Variants in KCNQ5 observed in about 807,000 individuals in gnomAD.
KCNQ5 encodes potassium voltage-gated channel subfamily KQT member 5.
In KCNQ5, 30 loss-of-function variants were observed where a neutral mutation model predicts 98.2. The ratio of observed to expected loss-of-function variants is 0.31; its 90% confidence interval spans 0.23 to 0.41. The LOEUF is 0.41. KCNQ5 is among the 10% of genes least tolerant of loss of function. The pLI is 1.00. For synonymous variants in KCNQ5, 458 were observed against 449.4 expected, an observed-to-expected ratio of 1.02 and a Z score of -0.24; for missense variants, 835 against 1,182.5, an observed-to-expected ratio of 0.71 and a Z score of 4.31.
chr6:72,857,633 T>G (rs755657288), intron 1 of KCNQ5, among the ~76,000 whole-genome samples: 2 of 152,154 alleles, frequency 1.3e-5, no homozygotes, highest in Non-Finnish European at 2.9e-5. Context: ...ATAATTTGTG[T>G]TTTTTGCATA....
intron 1 of KCNQ5, among the ~76,000 whole-genome samples, chr6:72,840,888 C>T (rs1776758966): frequency 6.6e-6 from 1 of 152,134 alleles, no homozygotes; most frequent in Non-Finnish European, 1.5e-5. Flanking sequence ...TACTGTTAAG[C>T]TTATGGATGG....
intron 1 of KCNQ5, among the ~76,000 whole-genome samples, chr6:72,658,288 T>C (rs1008502240): frequency 6.6e-6 from 1 of 151,886 alleles, no homozygotes; most frequent in African/African-American, 2.4e-5. Context: ...TTATTTTTTA[T>C]TTATTTTTTT....
At chr6:72,790,759 A>T (rs1194944616) in intron 1 of KCNQ5, among the ~76,000 whole-genome samples, 2 of 152,216 alleles carry the variant, frequency 1.3e-5, no homozygotes, top group African/African-American at 2.4e-5. Flanking sequence ...AAATGTTTCT[A>T]TTAGGGAAAA....
chr6:73,144,647 C>T (rs1776851489), intron 10 of KCNQ5, among the ~76,000 whole-genome samples: 1 of 152,208 alleles, frequency 6.6e-6, no homozygotes, highest in Non-Finnish European at 1.5e-5. Flanking sequence ...CTTAAAACAG[C>T]AACCATTTGT....
intron 5 of KCNQ5, among the ~76,000 whole-genome samples, chr6:73,087,719 G>T (rs765978639): frequency 3.3e-5 from 5 of 152,086 alleles, no homozygotes; most frequent in Non-Finnish European, 5.9e-5. Context: ...AAGGGTAAGA[G>T]GAGCCACAGA....
At chr6:72,809,596 T>G (rs1775141363) in intron 1 of KCNQ5, among the ~76,000 whole-genome samples, 1 of 152,084 alleles carries the variant, frequency 6.6e-6, no homozygotes, top group Non-Finnish European at 1.5e-5. Context: ...ATGTCTATGT[T>G]GACTAGGTAA....
chr6:72,926,916 G>A (rs1013408462), intron 1 of KCNQ5, among the ~76,000 whole-genome samples: 1 of 152,114 alleles, frequency 6.6e-6, no homozygotes, highest in Non-Finnish European at 1.5e-5. Flanking sequence ...TCTCAGAAAG[G>A]TGTCTCAGAT....
intron 1 of KCNQ5, among the ~76,000 whole-genome samples, chr6:72,632,806 AT>A (rs56738584): frequency 0.19 from 27,339 of 146,106 alleles, 2,725 homozygotes; most frequent in Middle Eastern, 0.27. Flanking sequence ...TATATGTACC[AT>A]TTTTTTTTTT....
chr6:73,188,973 ACT>A (rs1481156606), intron 11 of KCNQ5, among the ~76,000 whole-genome samples: 2 of 123,376 alleles, frequency 1.6e-5, no homozygotes, highest in Non-Finnish European at 3.2e-5. Context: ...AAAGGGCGAG[ACT>A]CTGTCTCAAA....
chr6:72,747,952 G>A (rs1393611300), intron 1 of KCNQ5, among the ~76,000 whole-genome samples: 1 of 152,116 alleles, frequency 6.6e-6, no homozygotes, highest in Admixed American at 6.6e-5. Flanking sequence ...AGTTCAGTGG[G>A]ACTTTCATTT....
At chr6:72,820,856 G>A (rs1170261909) in intron 1 of KCNQ5, among the ~76,000 whole-genome samples, 2 of 152,210 alleles carry the variant, frequency 1.3e-5, no homozygotes, top group Non-Finnish European at 2.9e-5. Context: ...AGTATTATAA[G>A]AGTTGTCATT....
At chr6:72,779,364 G>A in intron 1 of KCNQ5, among the ~76,000 whole-genome samples, 1 of 152,174 alleles carries the variant, frequency 6.6e-6, no homozygotes, top group East Asian at 1.9e-4. Context: ...AAGGAAGCAA[G>A]CCATCATAAA....
chr6:73,134,994 AT>A (rs1776407475), intron 10 of KCNQ5: 5 of 152,270 alleles, frequency 3.3e-5, no homozygotes. Flanking sequence ...TGCACTCAAA[AT>A]AGGCTTGCTG....
intron 1 of KCNQ5, among the ~76,000 whole-genome samples, chr6:72,955,744 C>A (rs1242449912): frequency 2.0e-5 from 3 of 152,028 alleles, no homozygotes; most frequent in African/African-American, 7.2e-5. Context: ...AAAACTGGGT[C>A]TTCTAAGGTT....
chr6:72,873,415 CCAG>C (rs1345278995), intron 1 of KCNQ5, among the ~76,000 whole-genome samples: 7 of 152,038 alleles, frequency 4.6e-5, no homozygotes, highest in East Asian at 3.8e-4. Context: ...ACCTCAAATC[CCAG>C]TAAGTAAAGC....
chr6:73,187,347 C>T (rs1373975354), intron 11 of KCNQ5, among the ~76,000 whole-genome samples: 1 of 152,208 alleles, frequency 6.6e-6, no homozygotes, highest in African/African-American at 2.4e-5. Flanking sequence ...GCGTGAGCCA[C>T]CACGCCCGGC....
chr6:73,125,002 TC>T (rs1775914515), intron 9 of KCNQ5, among the ~76,000 whole-genome samples: 1 of 125,672 alleles, frequency 8.0e-6, no homozygotes, highest in African/African-American at 2.8e-5. Flanking sequence ...CATATATATA[TC>T]ATATACATAT....
chr6:73,131,326 AGAGATATATCTT>A (rs1430084271), intron 9 of KCNQ5, among the ~76,000 whole-genome samples: 2 of 152,108 alleles, frequency 1.3e-5, no homozygotes, highest in Non-Finnish European at 2.9e-5. Flanking sequence ...GACATAGAAA[AGAGATATATCTT>A]GAAAGTTGGA....
intron 1 of KCNQ5, chr6:72,987,865 G>A: frequency 3.0e-6 from 1 of 337,382 alleles, no homozygotes; most frequent in Non-Finnish European, 5.6e-6. Flanking sequence ...ACCTTGAGCA[G>A]TAGGATATAA....
Sources: allele counts gnomAD v4.1 joint callset (sites outside exome capture counted in the v4.1 genomes callset), GRCh38; gene constraint gnomAD v4.1.1; transcripts MANE v1.5; gene names NCBI Gene and HGNC (gene_info 2026-07-23, HGNC 2026-07-21).